The following KAT5 variants were observed in gnomAD, a reference collection of about 807,000 sequenced individuals.
KAT5 encodes lysine acetyltransferase 5, also known as histone acetyltransferase KAT5.
A neutral mutation model predicts 68.1 loss-of-function variants in KAT5; 31 were observed. The ratio of observed to expected loss-of-function variants is 0.46; its 90% CI spans 0.34 to 0.61. The LOEUF (loss-of-function observed/expected upper bound fraction) is 0.61, where lower values mean the gene tolerates loss of function less well. KAT5 is among the 20% of genes least tolerant of loss of function. The probability of loss-of-function intolerance (pLI) is 0.01; values close to 1 mark genes in which losing one functional copy is unlikely to be tolerated. For synonymous variants in KAT5, 365 were observed against 292.6 expected (o/e 1.25, Z -2.52); for missense variants, 451 against 725.5 (o/e 0.62, Z 4.35).
chr11:65,715,703 G>T (rs1446889156), intron 8 of KAT5, among the ~76,000 whole-genome samples: 3 of 152,064 alleles, frequency 2.0e-5, no homozygotes, highest in African/African-American at 4.8e-5. Flanking sequence ...AGAGTTTGCA[G>T]TGAGCCGAGA....
chr11:65,715,038 G>T, intron 8 of KAT5, 128 bp downstream of exon 8: 1 of 774,524 alleles, frequency 1.3e-6, no homozygotes, highest in Non-Finnish European at 2.2e-6. Flanking sequence ...CTGCTGTCTG[G>T]CAGGTGCTGG....
intron 2 of KAT5, 34 bp from the exon 3 acceptor site, chr11:65,712,888 G>A (rs756083335): frequency 6.2e-7 from 1 of 1,614,090 alleles, no homozygotes; most frequent in Non-Finnish European, 8.5e-7. Flanking sequence ...GACAGTCTTT[G>A]GCATTCTGTC....
At chr11:65,717,434 C>T in intron 10 of KAT5, 1 of 227,580 alleles carries the variant, frequency 4.4e-6, no homozygotes, top group South Asian at 6.3e-5. Context: ...TCCCTCGCTC[C>T]TTGTGTCCAG....
In KAT5 at chr11:65,714,852, A is replaced by G. The variant is rs1178373604; in HGVS notation, c.971A>G (p.Asn324Ser). 1.2e-6 allele frequency: 2 copies of G among 1,614,180 alleles called. No homozygotes were observed. Among genetic ancestry groups the G allele is most frequent in the Non-Finnish European group, 1.7e-6 (2 of 1,180,022 alleles). Residue 324 changes from asparagine to serine, a missense_variant, in exon 8 of 13, where the codon AAT becomes AGT. This residue lies in a region of KAT5 where 210 missense variants were observed against 423.7 expected (regional missense o/e 0.50). Transcript: ENST00000341318. ...TGTGACCTACGACATCCTCCAGGCA[A>G]TGAGATTTACCGCAAGGGCACCATC... ...TKCDLRHPPGNEIYRKGTISF... is the reference protein window; with the variant it reads ...TKCDLRHPPGSEIYRKGTISF...
chr11:65,713,876 C>G, intron 6 of KAT5, 28 bp downstream of exon 6: 1 of 1,551,568 alleles, frequency 6.4e-7, no homozygotes, highest in Non-Finnish European at 8.7e-7. Flanking sequence ...CAGAAGGGAA[C>G]TGGGTGAAAA....
chr11:65,718,825 GGGGACAGATAAAGGTCCTCA>G (rs1857297370), intron 11 of KAT5, 28 bp from the exon 12 acceptor site: 1 of 1,613,226 alleles, frequency 6.2e-7, no homozygotes. Context: ...CAGGGCTCCT[GGGGACAGATAAAGGTCCTCA>G]GGGAACCTGA....
chr11:65,718,410 AGAGT>A (rs1857279588), intron 10 of KAT5, 176 bp from the exon 11 acceptor site: 15 of 660,124 alleles, frequency 2.3e-5, no homozygotes, highest in Non-Finnish European at 4.0e-5. Context: ...GCGCACGGAA[AGAGT>A]GAATACTCAG....
chr11:65,718,427 C>A, intron 10 of KAT5, 163 bp from the exon 11 acceptor site: 2 of 712,580 alleles, frequency 2.8e-6, no homozygotes, highest in Non-Finnish European at 4.8e-6. Flanking sequence ...ATACTCAGTT[C>A]TTCCTGAGGG....
At position 65,716,767 on chromosome 11, in the gene KAT5, A is replaced by G. The variant is rs1263575312; in HGVS notation, c.1130A>G (p.Tyr377Cys). Residue 377 changes from tyrosine (Y) to cysteine (C), a missense_variant, in exon 9 of 13, where the codon TAT becomes TGT. Coordinates refer to ENST00000341318, the MANE Select transcript of KAT5 (RefSeq NM_182710.3). ...TTCCTCTTCTACGTCATGACAGAGTATGACTGTAAGGGCTTCCACATCGTG... is the reference window on the plus strand; with the variant it reads ...TTCCTCTTCTACGTCATGACAGAGTGTGACTGTAAGGGCTTCCACATCGTG... Reference protein sequence around the residue: ...DPFLFYVMTEYDCKGFHIVGY... With the variant: ...DPFLFYVMTECDCKGFHIVGY... The G allele has an allele frequency of 1.9e-6, 3 of 1,614,122 alleles. No homozygotes were observed. Among genetic ancestry groups the G allele is most frequent in the Non-Finnish European group, 2.5e-6 (3 of 1,179,980 alleles).
Position 65,714,876 on chromosome 11 carries a change from T to C in KAT5, c.995T>C (p.Ile332Thr). 1 of 1,614,210 alleles carries C rather than the reference T, an allele frequency of 6.2e-7. No homozygotes were observed. The change falls in exon 8 of 13, where the codon ATC (isoleucine) becomes ACC (threonine). Residue 332 changes from isoleucine to threonine, a missense_variant. Coordinates refer to ENST00000341318, the MANE Select transcript of KAT5 (RefSeq NM_182710.3). ...AATGAGATTTACCGCAAGGGCACCA[T>C]CTCCTTCTTTGAGATTGATGGACGT... ...PGNEIYRKGT[I>T]SFFEIDGRKN...
In KAT5 at chr11:65,719,349, C is replaced by G; in HGVS notation, c.*168C>G. On this transcript the variant is annotated 3_prime_UTR_variant, in exon 13 of 13. Coordinates refer to ENST00000341318, the MANE Select transcript of KAT5 (RefSeq NM_182710.3). ...GGCCCACTGGTGCCCAGCACCAAGG[C>G]GAGCTCCGGGCTCAGACCAACTCCA... 1.2e-6 allele frequency: 1 copy of G among 852,360 alleles called. No individual in the cohort carries two copies. The highest frequency in any genetic ancestry group is 1.8e-6 in the Non-Finnish European group (1 of 566,368). The allele number at this position is 852,360 out of a possible 1,614,324, so 52.8% of individuals were successfully genotyped here.
intron 3 of KAT5, 69 bp from the exon 4 acceptor site, chr11:65,713,279 C>T (rs889839281): frequency 1.3e-5 from 19 of 1,509,294 alleles, no homozygotes; most frequent in South Asian, 2.3e-5. Flanking sequence ...AGGTGAGGGA[C>T]CCCTCTTCCC....
rs4645914 is a variant in KAT5, at chr11:65,712,785, C to T, written c.198C>T (p.Ser66=). 3.2e-3 allele frequency: 5,191 copies of T among 1,613,992 alleles called. 182 individuals are homozygous for T. In the African/African-American group the frequency reaches 0.063, roughly 20 times the overall value. ...TCATAGCCCTGGCCGAGATCCTGAG[C>T]GTGAAGGACATCAGTGGCCGGAAGC... ...EDEWPLAEIL[S]VKDISGRKLF... is the part of the protein sequence containing the mutation. The change falls in exon 2 of 13, where the codon AGC becomes AGT. Residue 66 remains serine, a synonymous_variant. Coordinates refer to ENST00000341318, the MANE Select transcript of KAT5 (RefSeq NM_182710.3).
rs1232763850 is a variant in KAT5, at chr11:65,712,762, A to G, written c.179-4A>G. ...TAAGGCCCCTGTCTATGCTATTCTCATAGCCCTGGCCGAGATCCTGAGCGT... is the reference window on the plus strand; with the variant it reads ...TAAGGCCCCTGTCTATGCTATTCTCGTAGCCCTGGCCGAGATCCTGAGCGT... On this transcript the variant is annotated splice_region_variant and splice_polypyrimidine_tract_variant and intron_variant, in intron 1 of 12. Transcript: ENST00000341318. The G allele has an allele frequency of 1.2e-6, 2 of 1,613,882 alleles. No homozygotes were observed. The highest frequency in any genetic ancestry group is 2.2e-5 in the East Asian group (1 of 44,874).
chr11:65,715,098 G>A (rs1276057304), intron 8 of KAT5, 188 bp downstream of exon 8: 1 of 614,970 alleles, frequency 1.6e-6, no homozygotes, highest in Non-Finnish European at 2.9e-6. Context: ...GTCCATGGGA[G>A]AGACAGTCAT....
At chr11:65,713,959 C>T in intron 6 of KAT5, 111 bp downstream of exon 6, 1 of 1,004,258 alleles carries the variant, frequency 1.0e-6, no homozygotes. Flanking sequence ...GTGGGCAGAG[C>T]TAGTGTTGGT....
At chr11:65,713,559 C>G in intron 4 of KAT5, 34 bp from the exon 5 acceptor site, 1 of 1,614,160 alleles carries the variant, frequency 6.2e-7, no homozygotes, top group Non-Finnish European at 8.5e-7. Context: ...CCTTCTCTAC[C>G]TTCTGACCCA....
chr11:65,712,511 C>G, intron 1 of KAT5, 66 bp downstream of exon 1: 1 of 1,525,150 alleles, frequency 6.6e-7, no homozygotes, highest in Non-Finnish European at 8.8e-7. Context: ...ACTGAAATCC[C>G]GGGATGGGGA....
At position 65,716,773 on chromosome 11, in the gene KAT5, G is replaced by C; in HGVS notation, c.1136G>C (p.Cys379Ser). The change falls in exon 9 of 13, where the codon TGT becomes TCT. Residue 379 changes from cysteine to serine, a missense_variant. Cys to Ser is a moderately radical substitution (Grantham distance 112, BLOSUM62 -1). This residue lies in a region of KAT5 where 210 missense variants were observed against 423.7 expected (regional missense o/e 0.50). Coordinates refer to ENST00000341318, the MANE Select transcript of KAT5 (RefSeq NM_182710.3). ...TTCTACGTCATGACAGAGTATGACT[G>C]TAAGGGCTTCCACATCGTGGGCTAC... is the stretch of plus-strand genomic sequence containing the variant. The part of the protein sequence containing the change: ...FLFYVMTEYD[C>S]KGFHIVGYFS... 1 of 1,614,058 alleles carries C rather than the reference G, an allele frequency of 6.2e-7. No individual in the cohort carries two copies. The highest frequency in any genetic ancestry group is 8.5e-7 in the Non-Finnish European group (1 of 1,179,958).
Sources: gnomAD v4.1 joint callset for allele counts (sites outside exome capture counted in the v4.1 genomes callset) on GRCh38, gnomAD v4.1.1 for gene constraint, gnomAD v4.1.1 regional missense constraint, MANE v1.5 for transcripts, NCBI Gene and HGNC (gene_info 2026-07-23, HGNC 2026-07-21) for gene names.